ADCY2: variants seen among roughly 807,000 people sequenced by gnomAD.
ADCY2 encodes the protein adenylate cyclase 2, also known as adenylate cyclase type 2.
In ADCY2, 31 loss-of-function variants were observed where a neutral mutation model predicts 125.2. That is an observed-to-expected ratio of 0.25 (90% CI 0.19 to 0.33). The LOEUF is 0.33. Among genes scored for constraint, ADCY2 ranks in the 10% least tolerant of loss-of-function variants. The pLI is 1.00. For missense variants in ADCY2, 904 were observed against 1,418.2 expected (o/e 0.64, Z 5.82); for synonymous variants, 512 against 548.4 (o/e 0.93, Z 0.93).
intron 4 of ADCY2, among the ~76,000 whole-genome samples, chr5:7,630,347 G>A (rs897055381): frequency 6.6e-6 from 1 of 152,130 alleles, no homozygotes; most frequent in Non-Finnish European, 1.5e-5. Flanking sequence ...TGGCTCATTT[G>A]TTTTGCAAGG....
At chr5:7,519,271 G>A (rs771107401) in intron 2 of ADCY2, among the ~76,000 whole-genome samples, 4 of 152,140 alleles carry the variant, frequency 2.6e-5, no homozygotes, top group Non-Finnish European at 5.9e-5. Context: ...CTTTAAATCC[G>A]TCAGGAGCCT....
chr5:7,660,239 A>AGAAG (rs59646942), intron 4 of ADCY2, among the ~76,000 whole-genome samples: 13,215 of 101,074 alleles, frequency 0.13, 1,034 homozygotes, highest in South Asian at 0.16. Flanking sequence ...AGGGAGGGAG[A>AGAAG]GAAGGAAGGA....
intron 14 of ADCY2, among the ~76,000 whole-genome samples, 181 bp from the exon 15 acceptor site, chr5:7,743,487 T>C (rs966766748): frequency 2.0e-5 from 3 of 152,224 alleles, no homozygotes; most frequent in African/African-American, 4.8e-5. Context: ...CATCGCTGTG[T>C]GGACCCTTTT....
chr5:7,623,418 A>G (rs1738021752), intron 3 of ADCY2, among the ~76,000 whole-genome samples: 1 of 152,196 alleles, frequency 6.6e-6, no homozygotes, highest in East Asian at 1.9e-4. Context: ...TCCAGCAATG[A>G]CAAGGTCTGA....
chr5:7,783,086 A>G (rs1205074805), intron 18 of ADCY2, among the ~76,000 whole-genome samples: 4 of 152,174 alleles, frequency 2.6e-5, no homozygotes, highest in Non-Finnish European at 4.4e-5. Flanking sequence ...CCCATAAGCC[A>G]CTGGGACCAG....
intron 17 of ADCY2, among the ~76,000 whole-genome samples, chr5:7,770,539 G>T (rs150989633): frequency 6.6e-5 from 10 of 152,288 alleles, no homozygotes; most frequent in African/African-American, 2.2e-4. Flanking sequence ...AGCTTCTCAT[G>T]GACTAGGCTG....
At chr5:7,811,747 A>G (rs1356466290) in intron 22 of ADCY2, among the ~76,000 whole-genome samples, 2 of 152,028 alleles carry the variant, frequency 1.3e-5, no homozygotes, top group South Asian at 2.1e-4. Flanking sequence ...CCTTCCCCCA[A>G]ATCAGACCCT....
At chr5:7,439,494 G>A (rs1367668954) in intron 2 of ADCY2, among the ~76,000 whole-genome samples, 1 of 151,134 alleles carries the variant, frequency 6.6e-6, no homozygotes, top group Admixed American at 6.6e-5. Context: ...CTCAAGGTGA[G>A]ATTTGGGTGG....
intron 3 of ADCY2, among the ~76,000 whole-genome samples, chr5:7,610,496 G>A (rs1347913358): frequency 1.3e-5 from 2 of 151,908 alleles, no homozygotes; most frequent in East Asian, 3.9e-4. Flanking sequence ...TTTCGGTGGT[G>A]CCTTGGGTTG....
intron 19 of ADCY2, 71 bp downstream of exon 19, chr5:7,784,520 C>A: frequency 3.6e-6 from 4 of 1,122,918 alleles, no homozygotes; most frequent in Admixed American, 2.1e-5. Context: ...CTTTGCTGTG[C>A]ATTGTAGTTA....
At chr5:7,670,819 T>C (rs1739908960) in intron 4 of ADCY2, among the ~76,000 whole-genome samples, 1 of 152,114 alleles carries the variant, frequency 6.6e-6, no homozygotes, top group Non-Finnish European at 1.5e-5. Flanking sequence ...GAGGCGGAGC[T>C]CAAGCGGTAA....
intron 19 of ADCY2, among the ~76,000 whole-genome samples, chr5:7,788,361 G>A (rs1744149614): frequency 6.6e-6 from 1 of 152,056 alleles, no homozygotes; most frequent in African/African-American, 2.4e-5. Flanking sequence ...TGTATTTTTA[G>A]TAGAGACGGG....
Position 7,414,683 on chromosome 5 carries a change from C to T in ADCY2, c.321C>T (p.Arg107=), listed in dbSNP as rs962443398. Residue 107 remains arginine, a synonymous_variant, in exon 2 of 25, where the codon CGC becomes CGT. Transcript: ENST00000338316. ...AGTCTGTGTTTAAGAAGCTGCTGCG[C>T]CTCTTCTCGTTGGTGATATGGATAT... ...CIESVFKKLL[R]LFSLVIWICL... The T allele has an allele frequency of 1.2e-6, 2 of 1,613,878 alleles. No individual in the cohort carries two copies. Among genetic ancestry groups the T allele is most frequent in the African/African-American group, 2.7e-5 (2 of 75,020 alleles).
At chr5:7,443,639 CAAAAAAAAAAA>C (rs56089574) in intron 2 of ADCY2, among the ~76,000 whole-genome samples, 2 of 51,198 alleles carry the variant, frequency 3.9e-5, no homozygotes, top group Non-Finnish European at 6.2e-5. Context: ...GACTCTGTCT[CAAAAAAAAAAA>C]AAAAAAAAAA....
chr5:7,410,364 G>C (rs1739661664), intron 1 of ADCY2, among the ~76,000 whole-genome samples: 1 of 151,818 alleles, frequency 6.6e-6, no homozygotes, highest in Admixed American at 6.6e-5. Context: ...ACATTGAAAA[G>C]AAAGAAAATA....
chr5:7,751,241 ATCCCTCTTTT>A (rs1742804873), intron 15 of ADCY2, among the ~76,000 whole-genome samples: 2 of 152,146 alleles, frequency 1.3e-5, no homozygotes, highest in Non-Finnish European at 2.9e-5. Flanking sequence ...ATGGATTATA[ATCCCTCTTTT>A]GTTACTTTAA....
intron 1 of ADCY2, among the ~76,000 whole-genome samples, chr5:7,409,994 T>G (rs1739648433): frequency 6.6e-6 from 1 of 152,234 alleles, no homozygotes; most frequent in Non-Finnish European, 1.5e-5. Flanking sequence ...TGAAAAACTG[T>G]ATCTCCACAC....
chr5:7,651,159 G>A lies in ADCY2; in HGVS notation c.720+24843G>A, dbSNP rs144349479. The stretch of plus-strand genomic sequence containing the variant: ...AACTGTTTGTCCAGCAAGCGTATCC[G>A]AGGCACCAAAGATAGAGGAAACAAT... On this transcript the variant is annotated intron_variant, in intron 4 of 24. Transcript: ENST00000338316. Among the ~76,000 whole-genome samples, 149 of 152,276 alleles carry A rather than the reference G, an allele frequency of 9.8e-4. 2 individuals are homozygous for A. Among genetic ancestry groups the A allele is most frequent in the African/African-American group, 3.5e-3 (146 of 41,550 alleles).
chr5:7,463,717 A>G (rs973862723), intron 2 of ADCY2, among the ~76,000 whole-genome samples: 2 of 152,100 alleles, frequency 1.3e-5, no homozygotes, highest in Non-Finnish European at 2.9e-5. Flanking sequence ...GTATAAAATT[A>G]TTTACTCTTC....
Sources: gnomAD v4.1 joint callset for allele counts (sites outside exome capture counted in the v4.1 genomes callset) on GRCh38, gnomAD v4.1.1 for gene constraint, MANE v1.5 for transcripts, NCBI Gene and HGNC (gene_info 2026-07-23, HGNC 2026-07-21) for gene names.